The following GRAMD4 variants were observed in gnomAD, a reference collection of about 807,000 sequenced individuals.
GRAMD4 encodes the protein GRAM domain containing 4.
In GRAMD4, 25 loss-of-function variants were observed where a neutral mutation model predicts 83.9. The observed-to-expected ratio is 0.30, with a 90% CI of 0.22 to 0.42. GRAMD4 has a LOEUF of 0.42. Ranked by LOEUF, GRAMD4 falls within the 10% of genes least tolerant of loss-of-function variation. The probability of loss-of-function intolerance (pLI) is 1.00; values close to 1 mark genes in which losing one functional copy is unlikely to be tolerated. For missense variants in GRAMD4, 593 were observed against 788.7 expected (o/e 0.75, Z 2.97); for synonymous variants, 336 against 320.9 (o/e 1.05, Z -0.50).
At chr22:46,581,311 G>A (rs1048401124) in intron 1 of GRAMD4, among the ~76,000 whole-genome samples, 1 of 152,218 alleles carries the variant, frequency 6.6e-6, no homozygotes, top group Admixed American at 6.5e-5. Context: ...TGTTTCACAC[G>A]AATTGTCTCA....
chr22:46,602,760 C>CTTT (rs1569253826), intron 1 of GRAMD4, among the ~76,000 whole-genome samples: 2 of 51,324 alleles, frequency 3.9e-5, no homozygotes, highest in African/African-American at 5.8e-5. Context: ...GTCCATTTTT[C>CTTT]TCTTTTTTTT....
intron 3 of GRAMD4, among the ~76,000 whole-genome samples, chr22:46,640,129 G>A (rs1020796946): frequency 6.6e-6 from 1 of 152,248 alleles, no homozygotes; most frequent in Non-Finnish European, 1.5e-5. Context: ...GCAGACGCTA[G>A]TTAAGTCATC....
chr22:46,611,996 C>CAAAA (rs61392000), intron 1 of GRAMD4, among the ~76,000 whole-genome samples: 20,943 of 50,030 alleles, frequency 0.42, 6,050 homozygotes, highest in East Asian at 0.9. Context: ...GACTCCATCT[C>CAAAA]AAAAAAAAAA....
At chr22:46,618,801 G>A (rs538775943), upstream of GRAMD4, among the ~76,000 whole-genome samples, 11 of 152,350 alleles carry the variant, frequency 7.2e-5, no homozygotes, top group East Asian at 3.9e-4. This position sits in a 1 kb window ranked among gnomAD's most constrained non-coding sequence, Gnocchi z 5.8. Context: ...GCCGGCGTGC[G>A]CTGCAGGTTG....
At chr22:46,591,395 A>G (rs182082718) in intron 1 of GRAMD4, among the ~76,000 whole-genome samples, 1 of 152,158 alleles carries the variant, frequency 6.6e-6, no homozygotes, top group Admixed American at 6.5e-5. Flanking sequence ...TGCATGTCGT[A>G]GTCCCAGCTC....
chr22:46,652,094 A>G (rs1300822639), intron 3 of GRAMD4, among the ~76,000 whole-genome samples: 2 of 152,156 alleles, frequency 1.3e-5, no homozygotes, highest in Non-Finnish European at 2.9e-5. Context: ...CAGAGTGTCC[A>G]TGTCCCCCCA....
chr22:46,623,140 G>A (rs1261427215), intron 1 of GRAMD4, among the ~76,000 whole-genome samples: 2 of 152,152 alleles, frequency 1.3e-5, no homozygotes, highest in East Asian at 1.9e-4. Context: ...GGAAGGTCCC[G>A]GTTTTAGTTG....
At chr22:46,668,532 C>A (rs1235340548) in intron 11 of GRAMD4, among the ~76,000 whole-genome samples, 157 bp from the exon 12 acceptor site, 1 of 152,180 alleles carries the variant, frequency 6.6e-6, no homozygotes, top group Non-Finnish European at 1.5e-5. Context: ...TGCCCTAGAC[C>A]AGAGCTGGGC....
At chr22:46,579,568 G>T (rs2081077535) in intron 1 of GRAMD4, among the ~76,000 whole-genome samples, 1 of 152,164 alleles carries the variant, frequency 6.6e-6, no homozygotes, top group South Asian at 2.1e-4. Context: ...CACTTGACGG[G>T]TCCTGGTGAC....
chr22:46,668,201 G>A (rs368588292), intron 11 of GRAMD4, 34 bp downstream of exon 11: 3 of 1,511,960 alleles, frequency 2.0e-6, no homozygotes, highest in Non-Finnish European at 2.7e-6. Flanking sequence ...GGGTGTGTCT[G>A]CGCCAGCCAT....
rs374399610 is a variant in GRAMD4 at position 46,672,124 on chromosome 22, G to C, written c.1085-719G>C. On this transcript the variant is annotated intron_variant, in intron 13 of 18. Coordinates refer to ENST00000406902, the MANE Select transcript of GRAMD4 (RefSeq NM_015124.5). The surrounding 1 kb of genome is among the most constrained non-coding windows in gnomAD (Gnocchi z 4.7). ...CCTGACAGCTTTTGCTGCCCAGGGG[G>C]GTGCGTTAGCAGGTGTGTGGGGGCC... 1.3e-5 allele frequency among the ~76,000 whole-genome samples: 2 copies of C among 152,212 alleles called. No homozygotes were observed. The highest frequency in any genetic ancestry group is 2.9e-5 in the Non-Finnish European group (2 of 68,038).
intron 1 of GRAMD4, among the ~76,000 whole-genome samples, chr22:46,581,557 C>A (rs2081098887): frequency 1.3e-5 from 2 of 152,240 alleles, no homozygotes; most frequent in African/African-American, 4.8e-5. Flanking sequence ...AACTCAAAGT[C>A]ATGATGAGAC....
intron 10 of GRAMD4, among the ~76,000 whole-genome samples, chr22:46,667,533 A>G (rs1171935865): frequency 1.3e-5 from 2 of 152,238 alleles, no homozygotes; most frequent in African/African-American, 4.8e-5. Context: ...CCTTTACAGA[A>G]GTCTGCTCTA....
At chr22:46,666,775 C>T in intron 9 of GRAMD4, 50 bp from the exon 10 acceptor site, 2 of 1,528,992 alleles carry the variant, frequency 1.3e-6, no homozygotes, top group Non-Finnish European at 1.8e-6. Context: ...ATGCCTTCCC[C>T]TGACTCAGGT....
intron 8 of GRAMD4, 90 bp from the exon 9 acceptor site, chr22:46,665,525 T>C: frequency 2.8e-6 from 2 of 709,998 alleles, no homozygotes; most frequent in South Asian, 3.2e-5. Context: ...GTCTCCCCAC[T>C]GGGGCCGCCT....
At position 46,678,881 on chromosome 22, in the gene GRAMD4, CGG is replaced by C; in HGVS notation, c.*1631_*1632del. On this transcript the variant is annotated 3_prime_UTR_variant, in exon 19 of 19. Transcript: ENST00000406902. ...GATTAAGCACATGTCCTATCCCAGG[CGG>C]TGGAGCGGAGCCCCCGTGGCTCTGG... The C allele has an allele frequency of 1.0e-6, 1 of 985,886 alleles. No homozygotes were observed. Among genetic ancestry groups the C allele is most frequent in the Admixed American group, 6.1e-5 (1 of 16,284 alleles). The allele number at this position is 985,886 out of a possible 1,614,324, so 61.1% of individuals were successfully genotyped here. A position where few individuals can be genotyped will look rare whatever the true frequency, so the allele number is the denominator to read the frequency against.
In GRAMD4 at chr22:46,678,556, G is replaced by A. The variant is rs574497483; in HGVS notation, c.*1305G>A. 4.7e-5 allele frequency: 46 copies of A among 985,510 alleles called. No homozygotes were observed. The highest frequency in any genetic ancestry group is 2.3e-4 in the East Asian group (2 of 8,814). The allele number at this position is 985,510 out of a possible 1,614,324, so 61.0% of individuals were successfully genotyped here. A position where few individuals can be genotyped will look rare whatever the true frequency, so the allele number is the denominator to read the frequency against. On this transcript the variant is annotated 3_prime_UTR_variant, in exon 19 of 19. Transcript: ENST00000406902. Reference sequence around the variant, plus strand: ...TCCTGGAAGGAGGTGGCCACCCCGCGGGCCTGCGTGTCTGCTGGGGCGGAT... The same window carrying A: ...TCCTGGAAGGAGGTGGCCACCCCGCAGGCCTGCGTGTCTGCTGGGGCGGAT...
chr22:46,678,117 G>GT lies in GRAMD4; in HGVS notation c.*868dup. The GT allele has an allele frequency of 5.1e-6, 5 of 985,620 alleles. No individual in the cohort carries two copies. Among genetic ancestry groups the GT allele is most frequent in the Non-Finnish European group, 6.0e-6 (5 of 830,048 alleles). 61.1% of individuals were successfully genotyped at this position (985,620 alleles called of 1,614,324 possible). On this transcript the variant is annotated 3_prime_UTR_variant, in exon 19 of 19. Coordinates refer to ENST00000406902, the MANE Select transcript of GRAMD4 (RefSeq NM_015124.5). ...GCCCAGGAGAACATCCGCGAAGGCT[G>GT]TTGGAGGTGCTCCGAGCACTGTGGC... is the stretch of plus-strand genomic sequence containing the variant.
Position 46,621,326 on chromosome 22 carries a change from C to T in GRAMD4, c.-50+761C>T, listed in dbSNP as rs1240344601. Among the ~76,000 whole-genome samples the T allele has an allele frequency of 1.3e-5, 2 of 152,186 alleles. No homozygotes were observed. Among genetic ancestry groups the T allele is most frequent in the African/African-American group, 4.8e-5 (2 of 41,430 alleles). On this transcript the variant is annotated intron_variant, in intron 1 of 18. Transcript: ENST00000406902. The surrounding 1 kb of genome is among the most constrained non-coding windows in gnomAD (Gnocchi z 5.8). ...CCCCAAAATTCATGTCCACCTCGTA[C>T]CTGTGGACCCGACCTTACTTGGAAA...
Sources: gnomAD v4.1 joint callset for allele counts (sites outside exome capture counted in the v4.1 genomes callset) on GRCh38, gnomAD v4.1.1 for gene constraint, Gnocchi (gnomAD v3.1) non-coding constraint, MANE v1.5 for transcripts, NCBI Gene and HGNC (gene_info 2026-07-23, HGNC 2026-07-21) for gene names.